Variants in PRUNE1 observed in about 807,000 individuals in gnomAD.
PRUNE1 encodes the protein exopolyphosphatase PRUNE1.
Under a neutral mutation model 42.5 loss-of-function variants are expected in PRUNE1, and 25 were observed. The ratio of observed to expected loss-of-function variants is 0.59; its 90% CI spans 0.43 to 0.82. The LOEUF (loss-of-function observed/expected upper bound fraction) is 0.82. Ranked by LOEUF, PRUNE1 falls within the 40% of genes least tolerant of loss-of-function variation. PRUNE1 has a pLI of 0.00. For missense variants in PRUNE1, 443 were observed against 539.3 expected (o/e 0.82, Z 1.77); for synonymous variants, 203 against 217.1 (o/e 0.93, Z 0.57).
intron 1 of PRUNE1, among the ~76,000 whole-genome samples, chr1:151,016,557 A>G (rs1674112777): frequency 6.6e-6 from 1 of 152,006 alleles, no homozygotes. Context: ...GCTGGAGTGC[A>G]AAGGCGCAAT....
chr1:151,030,439 G>A (rs1367410317), intron 7 of PRUNE1, among the ~76,000 whole-genome samples: 1 of 152,030 alleles, frequency 6.6e-6, no homozygotes, highest in Non-Finnish European at 1.5e-5. Flanking sequence ...AAGCAAATCT[G>A]ATTTCATTCA....
At chr1:151,027,781 T>TGCGCGC (rs1553254126) in intron 6 of PRUNE1, among the ~76,000 whole-genome samples, 4 of 142,604 alleles carry the variant, frequency 2.8e-5, no homozygotes, top group African/African-American at 1.1e-4. Flanking sequence ...TGTGTGTGTG[T>TGCGCGC]GCGCGCGCGT....
chr1:151,020,717 C>T (rs894617523), intron 3 of PRUNE1, among the ~76,000 whole-genome samples: 1 of 152,164 alleles, frequency 6.6e-6, no homozygotes, highest in Non-Finnish European at 1.5e-5. Context: ...CGCGGTGGCT[C>T]ATGCCTGTAA....
chr1:151,013,124 G>A (rs1215103023), intron 1 of PRUNE1, among the ~76,000 whole-genome samples: 1 of 152,206 alleles, frequency 6.6e-6, no homozygotes, highest in Non-Finnish European at 1.5e-5. Flanking sequence ...CAACAAGTAA[G>A]AAGCAGAGCT....
chr1:151,025,378 T>C, intron 4 of PRUNE1, 137 bp from the exon 5 acceptor site: 1 of 844,806 alleles, frequency 1.2e-6, no homozygotes, highest in Non-Finnish European at 1.7e-6. Flanking sequence ...TCCATCCCAG[T>C]TTCTCATTTT....
chr1:151,018,035 A>G, intron 2 of PRUNE1, 131 bp downstream of exon 2: 1 of 652,388 alleles, frequency 1.5e-6, no homozygotes, highest in Non-Finnish European at 2.7e-6. Flanking sequence ...GCTGAGTCTC[A>G]TGCCACCATC....
rs150387189 is a variant in PRUNE1 at position 151,032,839 on chromosome 1, T to A, written c.934-967T>A. ...CCCAGGCTGGAGTGCAATGGTGAGA[T>A]CTCGGCTCACTGCAACCTCCGCCTC... On this transcript the variant is annotated intron_variant, in intron 7 of 7. Transcript: ENST00000271620. Among the ~76,000 whole-genome samples the A allele has an allele frequency of 7.3e-3, 1,108 of 151,826 alleles. 20 individuals carry two copies. The highest frequency in any genetic ancestry group is 0.026 in the African/African-American group (1,060 of 41,392).
chr1:151,034,145 C>T lies in PRUNE1; in HGVS notation c.1273C>T (p.Leu425=). 6.2e-7 allele frequency: 1 copy of T among 1,614,208 alleles called. No individual in the cohort carries two copies. The highest frequency in any genetic ancestry group is 8.5e-7 in the Non-Finnish European group (1 of 1,180,048). The change falls in exon 8 of 8, where the codon CTG becomes TTG. Residue 425 remains leucine, a synonymous_variant. Transcript: ENST00000271620. ...GGATGAGTGCCCTCTAGATCAGGGG[C>T]TGCCTAAACTCTCTGCTGAGGCCGT... is the stretch of plus-strand genomic sequence containing the variant. The part of the protein sequence containing the change: ...LVDECPLDQG[L]PKLSAEAVFE...
intron 3 of PRUNE1, among the ~76,000 whole-genome samples, chr1:151,019,248 T>G (rs1426307644): frequency 6.6e-6 from 1 of 152,050 alleles, no homozygotes; most frequent in Non-Finnish European, 1.5e-5. Flanking sequence ...TAAATCTGCC[T>G]TTGGTATCAT....
chr1:151,028,559 G>C (rs1439810977), intron 6 of PRUNE1, among the ~76,000 whole-genome samples: 1 of 152,100 alleles, frequency 6.6e-6, no homozygotes, highest in Non-Finnish European at 1.5e-5. Context: ...GAGTAGCTGG[G>C]ATTACAGGCA....
rs1251507855 is a variant in PRUNE1, at chr1:151,016,955, G to A, written c.40-857G>A. On this transcript the variant is annotated intron_variant, in intron 1 of 7. Coordinates refer to ENST00000271620, the MANE Select transcript of PRUNE1 (RefSeq NM_021222.3). ...GCGGGCGGATCACCTGAGGTCGGGA[G>A]TTCGAGACCAGCCTGACCAACATGG... Among the ~76,000 whole-genome samples the A allele has an allele frequency of 2.6e-5, 4 of 151,154 alleles. No homozygotes were observed. The East Asian group carries it at 8.0e-4, about 30-fold the overall frequency.
chr1:151,017,255 G>A (rs776873177), intron 1 of PRUNE1, among the ~76,000 whole-genome samples: 9 of 152,042 alleles, frequency 5.9e-5, no homozygotes, highest in Non-Finnish European at 1.3e-4. Flanking sequence ...TAAGAAATCC[G>A]AAGTTTATTT....
At chr1:151,025,797 G>A (rs587732940) in intron 5 of PRUNE1, 124 bp downstream of exon 5, 1 of 987,260 alleles carries the variant, frequency 1.0e-6, no homozygotes, top group Non-Finnish European at 1.4e-6. Context: ...CTAGAGTGCA[G>A]TGGCACAATC....
At chr1:151,018,117 T>G (rs74125015) in intron 2 of PRUNE1, among the ~76,000 whole-genome samples, 3 of 152,110 alleles carry the variant, frequency 2.0e-5, no homozygotes, top group Non-Finnish European at 4.4e-5. Context: ...TCGAGGGATA[T>G]GTAAACCATA....
chr1:151,033,912 C>T lies in PRUNE1; in HGVS notation c.1040C>T (p.Ser347Phe). ...TATCTTCAAGGCAACACCCAGGTCT[C>T]TCGAAAGAAACTTCTGCCCCTGCTC... ...HAYLQGNTQVSRKKLLPLLQE... is the reference protein window; with the variant it reads ...HAYLQGNTQVFRKKLLPLLQE... Residue 347 changes from serine (S) to phenylalanine (F), a missense_variant, in exon 8 of 8, where the codon TCT (serine) becomes TTT (phenylalanine). Ser to Phe is a radical substitution (Grantham distance 155). Transcript: ENST00000271620. The T allele has an allele frequency of 1.2e-6, 2 of 1,614,072 alleles. No homozygotes were observed. The highest frequency in any genetic ancestry group is 1.7e-6 in the Non-Finnish European group (2 of 1,179,966).
chr1:151,010,818 G>A (rs1172677542), intron 1 of PRUNE1, among the ~76,000 whole-genome samples: 1 of 151,962 alleles, frequency 6.6e-6, no homozygotes, highest in Non-Finnish European at 1.5e-5. Context: ...ACTATGCCTG[G>A]CTAAGTTTTG....
chr1:151,012,963 A>G (rs587757683), intron 1 of PRUNE1, among the ~76,000 whole-genome samples: 1 of 152,032 alleles, frequency 6.6e-6, no homozygotes, highest in African/African-American at 2.4e-5. Flanking sequence ...TAGTTTCACC[A>G]TGCTTGCCAG....
In PRUNE1 at chr1:151,018,516, C is replaced by G; in HGVS notation, c.182C>G (p.Ser61Cys). ...GTGCCAGTTTTAAATATAAAACGTTCTGAACTACCTCTGCGAGGTGACATT... is the reference window on the plus strand; with the variant it reads ...GTGCCAGTTTTAAATATAAAACGTTGTGAACTACCTCTGCGAGGTGACATT... ...VFVPVLNIKR[S>C]ELPLRGDIVF... The change falls in exon 3 of 8, where the codon TCT (serine) becomes TGT (cysteine). Residue 61 changes from serine (S) to cysteine (C), a missense_variant. Transcript: ENST00000271620. 1 of 1,613,910 alleles carries G rather than the reference C, an allele frequency of 6.2e-7. No individual in the cohort carries two copies. The highest frequency in any genetic ancestry group is 8.5e-7 in the Non-Finnish European group (1 of 1,179,808).
chr1:151,014,447 A>G (rs760588406), intron 1 of PRUNE1, among the ~76,000 whole-genome samples: 1 of 152,072 alleles, frequency 6.6e-6, no homozygotes, highest in Non-Finnish European at 1.5e-5. Context: ...TAAAAACAAA[A>G]ACCTATCTCG....
Sources: allele counts gnomAD v4.1 joint callset (sites outside exome capture counted in the v4.1 genomes callset), GRCh38; gene constraint gnomAD v4.1.1; transcripts MANE v1.5; gene names NCBI Gene and HGNC (gene_info 2026-07-23, HGNC 2026-07-21).